ZNF208: variants seen among roughly 807,000 people sequenced by gnomAD.
ZNF208 encodes zinc finger protein 208.
ZNF208 carries 10 observed loss-of-function variants against 12.1 expected under a neutral mutation model. The observed-to-expected ratio is 0.83, with a 90% CI of 0.51 to 1.40. ZNF208 has a LOEUF of 1.40. ZNF208 is among the 40% of genes most tolerant of loss of function. The pLI, the probability that ZNF208 is intolerant of heterozygous loss-of-function variation, is 0.00. For missense variants in ZNF208, 1,652 were observed against 1,485.0 expected (o/e 1.11, Z -1.85); for synonymous variants, 497 against 488.4 (o/e 1.02, Z -0.23).
At chr19:21,958,782 T>C (rs1191476297) in intron 4 of ZNF208, among the ~76,000 whole-genome samples, 1 of 151,960 alleles carries the variant, frequency 6.6e-6, no homozygotes, top group Non-Finnish European at 1.5e-5. Context: ...GCCAAAAATA[T>C]CAATGCCTAT....
intron 4 of ZNF208, among the ~76,000 whole-genome samples, chr19:21,953,975 G>T (rs557628831): frequency 6.6e-6 from 1 of 152,148 alleles, no homozygotes; most frequent in Admixed American, 6.5e-5. Flanking sequence ...GGCATTTAGT[G>T]CTATAAATTT....
At chr19:21,963,490 G>A (rs531077662), downstream of ZNF208, among the ~76,000 whole-genome samples, 30 of 151,832 alleles carry the variant, frequency 2.0e-4, no homozygotes, top group Non-Finnish European at 4.1e-4. Flanking sequence ...TTTAGTATTC[G>A]CTCTGAGTCA....
intron 4 of ZNF208, among the ~76,000 whole-genome samples, chr19:21,957,626 C>G (rs1173191634): frequency 1.3e-5 from 2 of 152,060 alleles, no homozygotes; most frequent in African/African-American, 4.8e-5. Context: ...TTTAAGGGTA[C>G]AAATCCATGG....
chr19:22,006,738 C>T (rs181864262), intron 1 of ZNF208, among the ~76,000 whole-genome samples: 1 of 152,282 alleles, frequency 6.6e-6, no homozygotes, highest in African/African-American at 2.4e-5. Context: ...TTTACCATGT[C>T]AGAGTCATTC....
At chr19:21,964,357 TATA>T (rs1487092808), downstream of ZNF208, among the ~76,000 whole-genome samples, 1 of 151,802 alleles carries the variant, frequency 6.6e-6, no homozygotes, top group Non-Finnish European at 1.5e-5. Context: ...TTCAAAATAA[TATA>T]ATACTTTGAA....
At chr19:21,960,869 T>A (rs936287701) in intron 4 of ZNF208, among the ~76,000 whole-genome samples, 1 of 152,174 alleles carries the variant, frequency 6.6e-6, no homozygotes, top group Non-Finnish European at 1.5e-5. Context: ...AGAGTCTCTA[T>A]GGACAGTTTT....
In ZNF208 at chr19:21,974,607, T is replaced by C; in HGVS notation, c.427A>G (p.Lys143Glu). 6.2e-7 allele frequency: 1 copy of C among 1,613,744 alleles called. No homozygotes were observed. Reference sequence around the variant, plus strand: ...GCATATTTGCCACGTTGAAATACTTTGCTCTGTGTAGTTGTCAAACTCTGG... The same window carrying C: ...GCATATTTGCCACGTTGAAATACTTCGCTCTGTGTAGTTGTCAAACTCTGG... Reference protein sequence around the residue: ...LNQSLTTTQSKVFQRGKYANV... With the variant: ...LNQSLTTTQSEVFQRGKYANV... Residue 143 changes from lysine to glutamate, a missense_variant, in exon 4 of 4, where the codon AAA becomes GAA. Around this residue, in one of 3 missense-constraint regions of ZNF208, gnomAD observed 410 missense variants for 378.2 expected, o/e 1.08. Transcript: ENST00000397126.
chr19:22,001,086 C>T (rs532343191), intron 1 of ZNF208, among the ~76,000 whole-genome samples: 11 of 152,174 alleles, frequency 7.2e-5, no homozygotes, highest in South Asian at 2.1e-4. Flanking sequence ...GTCAGGAGTT[C>T]GAGACCAGCC....
intron 2 of ZNF208, among the ~76,000 whole-genome samples, chr19:21,987,855 A>G (rs1020286373): frequency 3.3e-5 from 5 of 152,146 alleles, no homozygotes; most frequent in African/African-American, 1.2e-4. Flanking sequence ...ATTATACTCA[A>G]TAAATACTGT....
chr19:21,983,926 C>A (rs1219493040), intron 3 of ZNF208, among the ~76,000 whole-genome samples: 2 of 151,992 alleles, frequency 1.3e-5, no homozygotes, highest in Non-Finnish European at 2.9e-5. Flanking sequence ...GTGCAGCAAA[C>A]CCCCATGGCA....
rs1432199363 is a variant in ZNF208 at position 21,973,452 on chromosome 19, C to T, written c.1582G>A (p.Glu528Lys). 1 of 1,612,824 alleles carries T rather than the reference C, an allele frequency of 6.2e-7. No individual in the cohort carries two copies. Among genetic ancestry groups the T allele is most frequent in the East Asian group, 2.2e-5 (1 of 44,780 alleles). Reference protein sequence around the residue: ...IHTGEKPYKCEECGKSFSTFS... With the variant: ...IHTGEKPYKCKECGKSFSTFS... ...GTACTGAAGCTTTTGCCACATTCTTCACATTTGTAGGGTTTCTCTCCAGTA... is the reference window on the plus strand; with the variant it reads ...GTACTGAAGCTTTTGCCACATTCTTTACATTTGTAGGGTTTCTCTCCAGTA... The change falls in exon 4 of 4, where the codon GAA becomes AAA. Residue 528 changes from glutamate to lysine, a missense_variant. Physicochemically the swap from Glu to Lys is moderately conservative, Grantham distance 56 (BLOSUM62 1). Transcript: ENST00000397126.
At chr19:21,994,954 C>CTTTTT (rs71178799) in intron 1 of ZNF208, among the ~76,000 whole-genome samples, 1 of 144,690 alleles carries the variant, frequency 6.9e-6, no homozygotes, top group African/African-American at 2.5e-5. Context: ...TTTTTCTTTT[C>CTTTTT]TTTTTTTTTT....
At chr19:21,993,728 A>T (rs942905567) in intron 1 of ZNF208, among the ~76,000 whole-genome samples, 3 of 151,144 alleles carry the variant, frequency 2.0e-5, no homozygotes, top group African/African-American at 7.3e-5. Flanking sequence ...AGAGTCCCTT[A>T]CACGCAGCAC....
chr19:21,964,300 A>G (rs1970127070), downstream of ZNF208, among the ~76,000 whole-genome samples: 1 of 151,806 alleles, frequency 6.6e-6, no homozygotes, highest in East Asian at 1.9e-4. Context: ...TTTAAATATC[A>G]TGAACAGTCA....
At chr19:21,990,428 A>G (rs927756591) in intron 1 of ZNF208, among the ~76,000 whole-genome samples, 4 of 108,532 alleles carry the variant, frequency 3.7e-5, no homozygotes, top group African/African-American at 1.2e-4. Context: ...GCTCTGTTCT[A>G]TTCCATTGAT....
intron 1 of ZNF208, among the ~76,000 whole-genome samples, chr19:21,999,230 A>T (rs191717146): frequency 0.015 from 2,305 of 152,300 alleles, 31 homozygotes; most frequent in Non-Finnish European, 0.024. Context: ...GTAAGATTTT[A>T]AAAAATTATC....
Position 21,974,465 on chromosome 19 carries a change from T to C in ZNF208, c.569A>G (p.Gln190Arg). Residue 190 changes from glutamine to arginine, a missense_variant, in exon 4 of 4, where the codon CAA (glutamine) becomes CGA (arginine). Gln to Arg is a conservative substitution (Grantham distance 43). Coordinates refer to ENST00000397126, the MANE Select transcript of ZNF208 (RefSeq NM_007153.3). ...RSFCMLSHLS[Q>R]HKRIYTRENS... The stretch of plus-strand genomic sequence containing the variant: ...CTCTCTAGTATAAATTCTTTTATGT[T>C]GAGATAGGTGTGAAAGCATGCAAAA... 2 of 1,613,510 alleles carry C rather than the reference T, an allele frequency of 1.2e-6. No individual in the cohort carries two copies. Among genetic ancestry groups the C allele is most frequent in the Non-Finnish European group, 1.7e-6 (2 of 1,179,570 alleles).
chr19:22,000,024 G>T (rs1304129598), intron 1 of ZNF208, among the ~76,000 whole-genome samples: 1 of 152,098 alleles, frequency 6.6e-6, no homozygotes. Flanking sequence ...AAGAGAGGAA[G>T]GTGTTATAAA....
In ZNF208 at chr19:21,987,251, T is replaced by C. The variant is rs766257815; in HGVS notation, c.191A>G (p.Asn64Ser). ...IFLEEGKESW[N>S]MKRHEMVEES... ...TTCCACCATCTCATGTCTCTTCATATTCCAGGACTCTTTTCCTTCCTCCAG... is the reference window on the plus strand; with the variant it reads ...TTCCACCATCTCATGTCTCTTCATACTCCAGGACTCTTTTCCTTCCTCCAG... The change falls in exon 3 of 4, where the codon AAT (asparagine) becomes AGT (serine). Residue 64 changes from asparagine to serine, a missense_variant. Around this residue, in one of 3 missense-constraint regions of ZNF208, gnomAD observed 410 missense variants for 378.2 expected, o/e 1.08. Coordinates refer to ENST00000397126, the MANE Select transcript of ZNF208 (RefSeq NM_007153.3). 1 of 1,613,194 alleles carries C rather than the reference T, an allele frequency of 6.2e-7. No individual in the cohort carries two copies. Among genetic ancestry groups the C allele is most frequent in the Non-Finnish European group, 8.5e-7 (1 of 1,179,632 alleles).
Sources: gnomAD v4.1 joint callset for allele counts (sites outside exome capture counted in the v4.1 genomes callset) on GRCh38, gnomAD v4.1.1 for gene constraint, gnomAD v4.1.1 regional missense constraint, MANE v1.5 for transcripts, NCBI Gene and HGNC (gene_info 2026-07-23, HGNC 2026-07-21) for gene names.